The following STXBP5L variants were observed in gnomAD, a reference collection of about 807,000 sequenced individuals.
STXBP5L encodes syntaxin binding protein 5L.
Under a neutral mutation model 144.5 loss-of-function variants are expected in STXBP5L, and 65 were observed. The ratio of observed to expected loss-of-function variants is 0.45; its 90% confidence interval spans 0.37 to 0.55. The LOEUF (loss-of-function observed/expected upper bound fraction) is 0.55, where lower values mean the gene tolerates loss of function less well. STXBP5L is among the 20% of genes least tolerant of loss of function. The pLI is 0.00. For synonymous variants in STXBP5L, 505 were observed against 469.6 expected, an observed-to-expected ratio of 1.08 and a Z score of -0.97; for missense variants, 1,298 against 1,405.5, an observed-to-expected ratio of 0.92 and a Z score of 1.22.
At chr3:121,305,570 TA>T (rs2043309500) in intron 19 of STXBP5L, among the ~76,000 whole-genome samples, 1 of 152,164 alleles carries the variant, frequency 6.6e-6, no homozygotes, top group Non-Finnish European at 1.5e-5. Context: ...GTCATATCAA[TA>T]CATGTGAAAA....
chr3:121,175,216 C>G (rs1479064420), intron 9 of STXBP5L, among the ~76,000 whole-genome samples: 2 of 151,962 alleles, frequency 1.3e-5, no homozygotes, highest in African/African-American at 4.8e-5. Flanking sequence ...TGAGAAAAAC[C>G]CTCTGGCAAA....
Position 121,279,833 on chromosome 3 carries a change from G to A in STXBP5L, c.1987G>A (p.Ala663Thr). Reference sequence around the variant, plus strand: ...TGCATTTGGGAACTGCAATGGGTTGGCTGTGGTGGATTTTATACAGAAGAC... The same window carrying A: ...TGCATTTGGGAACTGCAATGGGTTGACTGTGGTGGATTTTATACAGAAGAC... The part of the protein sequence containing the change: ...IVAFGNCNGL[A>T]VVDFIQKTVL... The change falls in exon 19 of 27, where the codon GCT becomes ACT. Residue 663 changes from alanine (A) to threonine (T), a missense_variant. Transcript: ENST00000471454. The A allele has an allele frequency of 1.9e-6, 3 of 1,612,346 alleles. No homozygotes were observed. Among genetic ancestry groups the A allele is most frequent in the Non-Finnish European group, 8.5e-7 (1 of 1,178,776 alleles).
chr3:121,349,859 T>C (rs993762379), intron 20 of STXBP5L, among the ~76,000 whole-genome samples: 5 of 152,080 alleles, frequency 3.3e-5, no homozygotes, highest in Non-Finnish European at 5.9e-5. Flanking sequence ...TGTCTCTGCA[T>C]GTGAGATGGG....
chr3:121,217,857 C>G (rs939837001), intron 10 of STXBP5L, among the ~76,000 whole-genome samples: 1 of 151,476 alleles, frequency 6.6e-6, no homozygotes, highest in Non-Finnish European at 1.5e-5. Context: ...GTATACATGC[C>G]TGGACTTTAT....
At chr3:120,930,931 T>C (rs1457491891) in intron 2 of STXBP5L, among the ~76,000 whole-genome samples, 1 of 152,210 alleles carries the variant, frequency 6.6e-6, no homozygotes, top group South Asian at 2.1e-4. Flanking sequence ...TTTTTCTATC[T>C]TTCTGCCTGT....
chr3:121,317,493 A>C (rs1161159233), intron 19 of STXBP5L, among the ~76,000 whole-genome samples: 1 of 152,188 alleles, frequency 6.6e-6, no homozygotes, highest in Admixed American at 6.5e-5. Context: ...ATTGCTATAA[A>C]TTGTATAAAG....
At chr3:121,008,427 A>T (rs188585229) in intron 3 of STXBP5L, among the ~76,000 whole-genome samples, 16 of 152,168 alleles carry the variant, frequency 1.1e-4, no homozygotes, top group African/African-American at 3.9e-4. Flanking sequence ...TTATATAGAC[A>T]GGAAGTGCAC....
intron 2 of STXBP5L, among the ~76,000 whole-genome samples, chr3:120,953,026 C>A (rs990402631): frequency 6.6e-6 from 1 of 151,834 alleles, no homozygotes; most frequent in Non-Finnish European, 1.5e-5. Context: ...TATCGAACTC[C>A]TGGGCTCAAG....
chr3:121,113,004 T>A (rs1309251581), intron 5 of STXBP5L, among the ~76,000 whole-genome samples: 2 of 152,140 alleles, frequency 1.3e-5, no homozygotes, highest in African/African-American at 2.4e-5. Flanking sequence ...CTTTATCTAG[T>A]TGTTGTAACC....
intron 20 of STXBP5L, among the ~76,000 whole-genome samples, chr3:121,347,837 T>C (rs1468283882): frequency 6.6e-6 from 1 of 152,214 alleles, no homozygotes; most frequent in Non-Finnish European, 1.5e-5. Context: ...AAGTTGCTTA[T>C]CAGCTTAAGG....
chr3:120,967,148 T>C (rs1363975440), intron 3 of STXBP5L, among the ~76,000 whole-genome samples: 1 of 152,094 alleles, frequency 6.6e-6, no homozygotes, highest in East Asian at 1.9e-4. Flanking sequence ...TTTTAAGACC[T>C]TGGGAAAAGT....
chr3:120,908,214 G>C lies in STXBP5L; in HGVS notation c.-129G>C, dbSNP rs920199860. 6.6e-6 allele frequency: 1 copy of C among 152,256 alleles called. No homozygotes were observed. The highest frequency in any genetic ancestry group is 1.5e-5 in the Non-Finnish European group (1 of 68,080). The allele number at this position is 152,256 out of a possible 1,614,324, so 9.4% of individuals were successfully genotyped here. A position where few individuals can be genotyped will look rare whatever the true frequency, so the allele number is the denominator to read the frequency against. On this transcript the variant is annotated 5_prime_UTR_variant, in exon 1 of 27. Transcript: ENST00000471454. ...GCCTGCTCTGGAGCCTGACTGCTCG[G>C]TTAGGACCTCGGAGAGCGCCAGGCG...
At chr3:121,353,568 T>C (rs2045387010) in intron 20 of STXBP5L, among the ~76,000 whole-genome samples, 1 of 152,200 alleles carries the variant, frequency 6.6e-6, no homozygotes, top group Admixed American at 6.5e-5. Context: ...TTGATTCTTC[T>C]CTCTTTTCTT....
At chr3:121,004,340 G>T (rs1022232255) in intron 3 of STXBP5L, among the ~76,000 whole-genome samples, 8 of 151,948 alleles carry the variant, frequency 5.3e-5, no homozygotes, top group African/African-American at 1.2e-4. Context: ...CTCATGATTT[G>T]GCTCTCTGTT....
intron 2 of STXBP5L, among the ~76,000 whole-genome samples, chr3:120,953,151 T>C (rs1937629554): frequency 6.6e-6 from 1 of 151,940 alleles, no homozygotes; most frequent in Non-Finnish European, 1.5e-5. Context: ...TAACAAGAAA[T>C]GGATCTTACA....
intron 20 of STXBP5L, among the ~76,000 whole-genome samples, chr3:121,328,173 C>T (rs1461269819): frequency 6.6e-6 from 1 of 152,146 alleles, no homozygotes. Flanking sequence ...TAAATTATTT[C>T]TGACATGGAA....
intron 2 of STXBP5L, among the ~76,000 whole-genome samples, chr3:120,954,222 T>G (rs946927881): frequency 1.3e-5 from 2 of 152,190 alleles, no homozygotes; most frequent in Non-Finnish European, 2.9e-5. Context: ...TTTCTTAACA[T>G]TTTTTGAGGT....
chr3:121,370,716 T>C (rs1283937171), intron 20 of STXBP5L, among the ~76,000 whole-genome samples: 3 of 152,256 alleles, frequency 2.0e-5, no homozygotes, highest in Non-Finnish European at 4.4e-5. Context: ...TTCATGCTTT[T>C]TTCTTTATTA....
intron 22 of STXBP5L, among the ~76,000 whole-genome samples, chr3:121,405,175 A>C (rs1275081040): frequency 6.6e-6 from 1 of 152,162 alleles, no homozygotes; most frequent in African/African-American, 2.4e-5. Flanking sequence ...CTCTTCAAAT[A>C]GATCCATAGT....
Sources: gnomAD v4.1 joint callset for allele counts (sites outside exome capture counted in the v4.1 genomes callset) on GRCh38, gnomAD v4.1.1 for gene constraint, MANE v1.5 for transcripts, NCBI Gene and HGNC (gene_info 2026-07-23, HGNC 2026-07-21) for gene names.